Variants in XKR4 observed in about 807,000 individuals in gnomAD.
XKR4 encodes XK-related protein 4.
In XKR4, 12 loss-of-function variants were observed where a neutral mutation model predicts 53.9. The ratio of observed to expected loss-of-function variants is 0.22; its 90% confidence interval spans 0.14 to 0.36. The LOEUF is 0.36. Ranked by LOEUF, XKR4 falls within the 10% of genes least tolerant of loss-of-function variation. XKR4 has a pLI of 1.00. For missense variants in XKR4, 799 were observed against 859.5 expected, an observed-to-expected ratio of 0.93 and a Z score of 0.88; for synonymous variants, 354 against 362.4, an observed-to-expected ratio of 0.98 and a Z score of 0.26.
intron 1 of XKR4, among the ~76,000 whole-genome samples, chr8:55,342,391 C>A (rs955711951): frequency 4.6e-5 from 7 of 152,160 alleles, no homozygotes; most frequent in Non-Finnish European, 8.8e-5. Context: ...CCCCTTCATG[C>A]CATTCTCAGC....
At chr8:55,253,201 G>T (rs527400631) in intron 1 of XKR4, among the ~76,000 whole-genome samples, 3 of 151,852 alleles carry the variant, frequency 2.0e-5, no homozygotes, top group Non-Finnish European at 2.9e-5. Context: ...TTTTCCTTCC[G>T]ACGTAAATAT....
intron 2 of XKR4, chr8:55,454,099 G>T: frequency 1.2e-6 from 1 of 818,286 alleles, no homozygotes; most frequent in Non-Finnish European, 2.1e-6. Flanking sequence ...AGGAGGAGGG[G>T]GACGTCATGG....
At chr8:55,124,940 C>T (rs1423672671) in intron 1 of XKR4, among the ~76,000 whole-genome samples, 3 of 152,176 alleles carry the variant, frequency 2.0e-5, no homozygotes, top group African/African-American at 7.2e-5. Context: ...TCTATCCATG[C>T]TTGAAATATT....
At chr8:55,412,220 C>T (rs756982054) in intron 2 of XKR4, among the ~76,000 whole-genome samples, 4 of 152,172 alleles carry the variant, frequency 2.6e-5, no homozygotes, top group East Asian at 1.9e-4. Context: ...CAAAACCAAC[C>T]GTTTACCAAG....
intron 2 of XKR4, chr8:55,451,723 G>A: frequency 7.9e-7 from 1 of 1,259,836 alleles, no homozygotes; most frequent in Non-Finnish European, 1.2e-6. Flanking sequence ...GTTGACCAGA[G>A]AAATGCGGAA....
chr8:55,278,004 G>A (rs1818787876), intron 1 of XKR4, among the ~76,000 whole-genome samples: 1 of 152,080 alleles, frequency 6.6e-6, no homozygotes, highest in Middle Eastern at 3.2e-3. Context: ...CTAAGCATTG[G>A]GCTATGGATC....
In XKR4 at chr8:55,246,783, G is replaced by A. The variant is rs191796980; in HGVS notation, c.807-110895G>A. ...TCAGCTTCATCAATGACTCAGAGTC[G>A]TTCTTTGAATCAATCACTCAACCTT... On this transcript the variant is annotated intron_variant, in intron 1 of 2. Coordinates refer to ENST00000327381, the MANE Select transcript of XKR4 (RefSeq NM_052898.2). Among the ~76,000 whole-genome samples, 33 of 151,422 alleles carry A rather than the reference G, an allele frequency of 2.2e-4. 1 individual carries two copies. Among genetic ancestry groups the A allele is most frequent in the Non-Finnish European group, 3.2e-4 (22 of 67,908 alleles).
intron 1 of XKR4, among the ~76,000 whole-genome samples, chr8:55,253,548 G>A (rs1818390051): frequency 6.6e-6 from 1 of 152,114 alleles, no homozygotes; most frequent in African/African-American, 2.4e-5. Flanking sequence ...TTCCAGCACT[G>A]CATAGATTGT....
At chr8:55,113,552 T>A (rs1159325566) in intron 1 of XKR4, among the ~76,000 whole-genome samples, 2 of 152,188 alleles carry the variant, frequency 1.3e-5, no homozygotes, top group African/African-American at 4.8e-5. Flanking sequence ...ATGGTCAGGT[T>A]TATGAGGTCA....
intron 1 of XKR4, among the ~76,000 whole-genome samples, chr8:55,187,445 A>C (rs1207636780): frequency 6.6e-6 from 1 of 152,186 alleles, no homozygotes; most frequent in Non-Finnish European, 1.5e-5. Flanking sequence ...GGAAATTCTT[A>C]AGATTCTGAG....
At chr8:55,213,529 T>C (rs1406692138) in intron 1 of XKR4, among the ~76,000 whole-genome samples, 1 of 152,174 alleles carries the variant, frequency 6.6e-6, no homozygotes, top group Admixed American at 6.5e-5. Context: ...TCTAGCTGCA[T>C]AACTCCTAAA....
At chr8:55,153,433 G>T (rs1816864701) in intron 1 of XKR4, among the ~76,000 whole-genome samples, 1 of 152,132 alleles carries the variant, frequency 6.6e-6, no homozygotes, top group Admixed American at 6.6e-5. Flanking sequence ...GACCTTCGAA[G>T]AACATATACA....
intron 1 of XKR4, among the ~76,000 whole-genome samples, chr8:55,119,627 C>T (rs1276268600): frequency 6.6e-6 from 1 of 152,086 alleles, no homozygotes; most frequent in Non-Finnish European, 1.5e-5. Flanking sequence ...ACAGGCCACA[C>T]TCAGACATGT....
chr8:55,321,902 T>C (rs1261721231), intron 1 of XKR4, among the ~76,000 whole-genome samples: 1 of 152,116 alleles, frequency 6.6e-6, no homozygotes. Flanking sequence ...GGCAGGAGAA[T>C]CTCTCGAACA....
chr8:55,518,974 A>G (rs527312391), intron 2 of XKR4, among the ~76,000 whole-genome samples: 9 of 152,300 alleles, frequency 5.9e-5, no homozygotes, highest in Non-Finnish European at 1.0e-4. Flanking sequence ...AGATCTGGGG[A>G]AGGCGCTCTT....
At chr8:55,178,667 G>A (rs1011699720) in intron 1 of XKR4, among the ~76,000 whole-genome samples, 2 of 152,092 alleles carry the variant, frequency 1.3e-5, no homozygotes, top group South Asian at 4.1e-4. Flanking sequence ...GTCCTAGCTC[G>A]ACACTAACTA....
chr8:55,252,094 A>G (rs1208001120), intron 1 of XKR4, among the ~76,000 whole-genome samples: 1 of 152,218 alleles, frequency 6.6e-6, no homozygotes, highest in East Asian at 1.9e-4. Flanking sequence ...AAAGCTTTGT[A>G]AAAATGTTAT....
chr8:55,161,691 A>G (rs1816988837), intron 1 of XKR4: 2 of 450,936 alleles, frequency 4.4e-6, no homozygotes, highest in Admixed American at 4.7e-5. Flanking sequence ...GTACCTGCCT[A>G]CTGGTCACTG....
At chr8:55,283,210 G>A (rs868041760) in intron 1 of XKR4, among the ~76,000 whole-genome samples, 2 of 152,170 alleles carry the variant, frequency 1.3e-5, no homozygotes, top group South Asian at 4.1e-4. Context: ...GTTAAGTGAT[G>A]CATGACTGTA....
Sources: allele counts gnomAD v4.1 joint callset (sites outside exome capture counted in the v4.1 genomes callset), GRCh38; gene constraint gnomAD v4.1.1; transcripts MANE v1.5; gene names NCBI Gene and HGNC (gene_info 2026-07-23, HGNC 2026-07-21).